KLHL32: variants seen among roughly 807,000 people sequenced by gnomAD.
The protein encoded by KLHL32 is kelch-like protein 32.
In KLHL32, 35 loss-of-function variants were observed where a neutral mutation model predicts 64.8. The observed-to-expected ratio is 0.54, with a 90% CI of 0.41 to 0.72. KLHL32 has a LOEUF of 0.72. Among genes scored for constraint, KLHL32 ranks in the 30% least tolerant of loss-of-function variants. The pLI is 0.00. For synonymous variants in KLHL32, 259 were observed against 281.0 expected (o/e 0.92, Z 0.78); for missense variants, 589 against 768.5 (o/e 0.77, Z 2.76).
At chr6:96,985,058 G>A (rs560206533) in intron 3 of KLHL32, among the ~76,000 whole-genome samples, 207 of 152,226 alleles carry the variant, frequency 1.4e-3, no homozygotes, top group African/African-American at 4.8e-3. Context: ...CTCTTGTAGG[G>A]CAGGCCTGGT....
rs770577272 is a variant in KLHL32 at position 96,993,659 on chromosome 6, C to T, written c.204+17482C>T. Among the ~76,000 whole-genome samples, 5 of 152,148 alleles carry T rather than the reference C, an allele frequency of 3.3e-5. No homozygotes were observed. In the East Asian group the frequency reaches 7.7e-4, roughly 23 times the overall value. ...CTATCAAAATTCTGAGATTTTTACC[C>T]TACTTGCAAGCTAACTAGTCAGGCT... On this transcript the variant is annotated intron_variant, in intron 3 of 10. Coordinates refer to ENST00000369261, the MANE Select transcript of KLHL32 (RefSeq NM_052904.4).
At chr6:97,126,685 G>A (rs1046751004) in intron 7 of KLHL32, among the ~76,000 whole-genome samples, 1 of 152,000 alleles carries the variant, frequency 6.6e-6, no homozygotes, top group Non-Finnish European at 1.5e-5. Flanking sequence ...GAGATGCGTT[G>A]TGTCAAATAT....
intron 2 of KLHL32, among the ~76,000 whole-genome samples, chr6:96,968,728 A>C (rs1204468892): frequency 6.6e-6 from 1 of 152,132 alleles, no homozygotes; most frequent in African/African-American, 2.4e-5. Context: ...ACACAACCAC[A>C]TGCTCTGCTG....
intron 8 of KLHL32, among the ~76,000 whole-genome samples, chr6:97,128,126 T>C (rs983015128): frequency 6.6e-6 from 1 of 152,236 alleles, no homozygotes; most frequent in Non-Finnish European, 1.5e-5. Context: ...TATTCCAAAA[T>C]GATTTGTAGG....
intron 3 of KLHL32, among the ~76,000 whole-genome samples, chr6:97,019,737 A>G (rs1460001409): frequency 6.6e-6 from 1 of 152,214 alleles, no homozygotes; most frequent in Non-Finnish European, 1.5e-5. Context: ...TTGGAAGTAA[A>G]TAAGCATAAA....
intron 6 of KLHL32, among the ~76,000 whole-genome samples, chr6:97,112,483 G>A: frequency 6.6e-6 from 1 of 150,600 alleles, no homozygotes; most frequent in African/African-American, 2.4e-5. Flanking sequence ...GTCTTGCTCT[G>A]TTGCCCAGGC....
the KLHL32 span, among the ~76,000 whole-genome samples, chr6:96,898,912 T>C: frequency 6.6e-6 from 1 of 152,210 alleles, no homozygotes; most frequent in African/African-American, 2.4e-5. Context: ...TGTTCTGATC[T>C]CTGCTTAGCA....
At chr6:96,975,819 TA>T (rs1775627432) in intron 2 of KLHL32, among the ~76,000 whole-genome samples, 177 bp from the exon 3 acceptor site, 1 of 150,912 alleles carries the variant, frequency 6.6e-6, no homozygotes, top group East Asian at 1.9e-4. Context: ...GCAGAGAGAA[TA>T]AGAAAAAGGG....
intron 5 of KLHL32, among the ~76,000 whole-genome samples, chr6:97,067,599 C>T (rs1251450186): frequency 6.6e-6 from 1 of 152,148 alleles, no homozygotes; most frequent in Non-Finnish European, 1.5e-5. Context: ...TATTGAGGGC[C>T]TATCCATGCT....
At chr6:97,073,142 A>G (rs1469705170) in intron 5 of KLHL32, among the ~76,000 whole-genome samples, 3 of 152,018 alleles carry the variant, frequency 2.0e-5, no homozygotes, top group Non-Finnish European at 4.4e-5. Context: ...CTCCTACCCA[A>G]TCCCCTCACC....
intron 10 of KLHL32, among the ~76,000 whole-genome samples, chr6:97,138,003 A>G (rs1360378793): frequency 7.2e-5 from 11 of 152,224 alleles, no homozygotes; most frequent in African/African-American, 2.4e-4. Flanking sequence ...GCAATATGAT[A>G]ATGTCAATGA....
chr6:96,993,852 T>C (rs777450514), intron 3 of KLHL32, among the ~76,000 whole-genome samples: 14 of 152,170 alleles, frequency 9.2e-5, no homozygotes, highest in Non-Finnish European at 1.9e-4. Flanking sequence ...GAGTGAGTTG[T>C]GTTATGGGAG....
At chr6:97,109,355 GAAAT>G (rs780940666) in intron 6 of KLHL32, among the ~76,000 whole-genome samples, 7 of 152,164 alleles carry the variant, frequency 4.6e-5, no homozygotes, top group Non-Finnish European at 5.9e-5. Flanking sequence ...ATGTTGGAAA[GAAAT>G]AAGATAAAAA....
intron 3 of KLHL32, among the ~76,000 whole-genome samples, chr6:96,985,065 T>C (rs1476268567): frequency 1.3e-5 from 2 of 152,172 alleles, no homozygotes; most frequent in Admixed American, 6.5e-5. Context: ...AGGGCAGGCC[T>C]GGTGGTGACA....
chr6:97,050,603 AG>A lies in KLHL32; in HGVS notation c.312+9008del, dbSNP rs1158248930. Among the ~76,000 whole-genome samples, 6 of 152,220 alleles carry A rather than the reference AG, an allele frequency of 3.9e-5. No individual in the cohort carries two copies. In the South Asian group the frequency reaches 1.2e-3, roughly 32 times the overall value. ...CCATCCGGAGTGAAATAACAAAAAT[AG>A]GGGCAGACTCTATTACATTAATCTA... On this transcript the variant is annotated intron_variant, in intron 4 of 10. Transcript: ENST00000369261.
At chr6:97,014,294 CAAA>C (rs778174425) in intron 3 of KLHL32, among the ~76,000 whole-genome samples, 5 of 94,350 alleles carry the variant, frequency 5.3e-5, no homozygotes, top group Non-Finnish European at 4.9e-5. Context: ...GACTCCGTCT[CAAA>C]AAAAAAAAAA....
Position 97,085,187 on chromosome 6 carries a change from T to A in KLHL32, c.473T>A (p.Leu158Ter). The A allele has an allele frequency of 6.2e-7, 1 of 1,614,076 alleles. No individual in the cohort carries two copies. The highest frequency in any genetic ancestry group is 8.5e-7 in the Non-Finnish European group (1 of 1,180,016). The change falls in exon 6 of 11, where the codon TTG (leucine) becomes TAG (stop). Residue 158 changes from leucine to a stop codon, truncating the protein, a stop_gained. Coordinates refer to ENST00000369261, the MANE Select transcript of KLHL32 (RefSeq NM_052904.4). LOFTEE classifies it high-confidence loss of function. The stretch of plus-strand genomic sequence containing the variant: ...CTTGCTGACCTCTTTAACCTCACTT[T>A]GTTGGAGAAGGCAGTGATCGATTTC... ...YRLADLFNLT[L>*]LEKAVIDFLV...
At chr6:97,136,193 A>AT (rs533259500) in intron 10 of KLHL32, among the ~76,000 whole-genome samples, 7 of 151,400 alleles carry the variant, frequency 4.6e-5, no homozygotes, top group Non-Finnish European at 8.8e-5. Flanking sequence ...GGAAGTACTA[A>AT]TTTTTTTTTG....
chr6:97,000,090 T>C (rs1440780035), intron 3 of KLHL32, among the ~76,000 whole-genome samples: 5 of 152,058 alleles, frequency 3.3e-5, no homozygotes, highest in Admixed American at 6.5e-5. Context: ...AAGTCAAAGA[T>C]AAAAACATAA....
Sources: allele counts gnomAD v4.1 joint callset (sites outside exome capture counted in the v4.1 genomes callset), GRCh38; gene constraint gnomAD v4.1.1; transcripts MANE v1.5; gene names NCBI Gene and HGNC (gene_info 2026-07-23, HGNC 2026-07-21).